FOXD4L1: variants seen among roughly 807,000 people sequenced by gnomAD.
The protein encoded by FOXD4L1 is forkhead box D4 like 1.
A neutral mutation model predicts 24.8 loss-of-function variants in FOXD4L1; 10 were observed. The observed-to-expected ratio is 0.40, with a 90% CI of 0.25 to 0.68. The LOEUF (loss-of-function observed/expected upper bound fraction) is 0.68. Among genes scored for constraint, FOXD4L1 ranks in the 30% least tolerant of loss-of-function variants. The pLI, the probability that FOXD4L1 is intolerant of heterozygous loss-of-function variation, is 0.37. For missense variants in FOXD4L1, 364 were observed against 572.4 expected (o/e 0.64, Z 3.72); for synonymous variants, 159 against 256.4 (o/e 0.62, Z 3.63).
chr2:113,500,655 G>T, exon 1 of FOXD4L1: 2 of 1,408,914 alleles, frequency 1.4e-6, no homozygotes, highest in African/African-American at 1.5e-5. Flanking sequence ...CTGGGCGTGT[G>T]CATCTGAATC....
chr2:113,499,198 C>T (rs1474349139), exon 1 of FOXD4L1: 7 of 1,611,640 alleles, frequency 4.3e-6, no homozygotes, highest in Non-Finnish European at 5.9e-6. Flanking sequence ...CCAGCTCAGC[C>T]CGCCCCGGGC....
At position 113,500,808 on chromosome 2, in the gene FOXD4L1, T is replaced by G. The variant is rs1486864742; in HGVS notation, c.*325T>G. On this transcript the variant is annotated 3_prime_UTR_variant, in exon 1 of 1. Transcript: ENST00000306507. ...TTCTTGCCTTCGGCTGTGGCTTCTG[T>G]GGCTTTCCGGATTTGCACATTTCCT... The G allele has an allele frequency of 6.3e-5, 37 of 586,092 alleles. 8 individuals carry two copies. In the Admixed American group the frequency reaches 1.6e-3, roughly 25 times the overall value. 36.3% of individuals were successfully genotyped at this position (586,092 alleles called of 1,614,324 possible).
exon 1 of FOXD4L1, chr2:113,499,337 C>A (rs1296775211): frequency 3.7e-6 from 6 of 1,610,640 alleles, no homozygotes; most frequent in Non-Finnish European, 4.2e-6. Flanking sequence ...ACGGTAAAAT[C>A]GATGTCCTGG....
rs147163734 is a variant in FOXD4L1 at position 113,500,410 on chromosome 2, G to A, written c.1154G>A (p.Gly385Glu). The A allele has an allele frequency of 2.0e-4, 297 of 1,519,126 alleles. 53 individuals carry two copies. Among genetic ancestry groups the A allele is most frequent in the Non-Finnish European group, 2.5e-4 (286 of 1,126,262 alleles). The allele number at this position is 1,519,126 out of a possible 1,614,324, so 94.1% of individuals were successfully genotyped here. A position where few individuals can be genotyped will look rare whatever the true frequency, so the allele number is the denominator to read the frequency against. The change falls in exon 1 of 1, where the codon GGG becomes GAG. Residue 385 changes from glycine to glutamate, a missense_variant. Gly to Glu is a moderately conservative substitution (Grantham distance 98). Coordinates refer to ENST00000306507, the Ensembl canonical transcript of FOXD4L1. ...CGCCAACGGCTGCGCTCCCACCAAG[G>A]GCGCGGTGCTGGGCGGGCACCTGTC...
chr2:113,499,493 G>C, exon 1 of FOXD4L1: 1 of 1,580,334 alleles, frequency 6.3e-7, no homozygotes. Context: ...GCGGCGGCCC[G>C]AGCGACCCCT....
chr2:113,499,829 C>G (rs752475671), exon 1 of FOXD4L1: 3 of 1,559,034 alleles, frequency 1.9e-6, no homozygotes, highest in Non-Finnish European at 2.6e-6. Flanking sequence ...AGGACATGTT[C>G]GACAATGGCA....
At chr2:113,500,982 A>C (rs1396494971) in exon 1 of FOXD4L1, 2 of 204,450 alleles carry the variant, frequency 9.8e-6, no homozygotes, top group Non-Finnish European at 1.0e-5. Flanking sequence ...CTAGTGCAAA[A>C]TGCTTCTACT....
chr2:113,500,173 C>T, exon 1 of FOXD4L1: 1 of 1,538,758 alleles, frequency 6.5e-7, no homozygotes, highest in African/African-American at 1.4e-5. Context: ...GGTCCTCAGC[C>T]TTGGGAGGAG....
rs763717933 is a variant in FOXD4L1, at chr2:113,499,573, C to A, written c.317C>A (p.Ala106Glu). 10 of 1,609,760 alleles carry A rather than the reference C, an allele frequency of 6.2e-6. No homozygotes were observed. The highest frequency in any genetic ancestry group is 8.5e-6 in the Non-Finnish European group (10 of 1,178,912). ...GCCTCTGAAGATGCCCGGCAGCCGGCAAAGCCCCCCTACTCGTACATCGCG... is the reference window on the plus strand; with the variant it reads ...GCCTCTGAAGATGCCCGGCAGCCGGAAAAGCCCCCCTACTCGTACATCGCG... The change falls in exon 1 of 1, where the codon GCA becomes GAA. Residue 106 changes from alanine (A) to glutamate (E), a missense_variant. Coordinates refer to ENST00000306507, the Ensembl canonical transcript of FOXD4L1.
At chr2:113,500,687 C>A in exon 1 of FOXD4L1, 3 of 1,288,560 alleles carry the variant, frequency 2.3e-6, no homozygotes, top group Non-Finnish European at 3.1e-6. Flanking sequence ...CAAACACGAA[C>A]TTCTGTTCCC....
chr2:113,499,418 G>T, exon 1 of FOXD4L1: 1 of 1,605,836 alleles, frequency 6.2e-7, no homozygotes, highest in South Asian at 1.1e-5. Flanking sequence ...TAGAGCAGTC[G>T]CTCCAGCCGG....
Position 113,500,311 on chromosome 2 carries a change from GC to G in FOXD4L1, c.1060del (p.Leu354CysfsTer90). 6.5e-7 allele frequency: 1 copy of G among 1,528,120 alleles called. No individual in the cohort carries two copies. Among genetic ancestry groups the G allele is most frequent in the Non-Finnish European group, 8.8e-7 (1 of 1,131,842 alleles). 94.7% of individuals were successfully genotyped at this position (1,528,120 alleles called of 1,614,324 possible). On this transcript the variant is annotated frameshift_variant, in exon 1 of 1. Transcript: ENST00000306507. LOFTEE classifies it high-confidence loss of function. ...TTGTCCCCGACCGCGTGGAGCTACT[GC>G]CCCCTGCTCCAGCGACCGTCAAGCC... is the stretch of plus-strand genomic sequence containing the variant.
exon 1 of FOXD4L1, chr2:113,499,056 T>C: frequency 2.4e-6 from 2 of 827,030 alleles, no homozygotes; most frequent in Non-Finnish European, 3.8e-6. Flanking sequence ...CACATGGTCT[T>C]GAAGAAGCTT....
chr2:113,498,964 C>T, exon 1 of FOXD4L1: 2 of 597,956 alleles, frequency 3.3e-6, no homozygotes, highest in East Asian at 3.3e-5. Flanking sequence ...GCCCAGAAGA[C>T]CATCATCCCT....
chr2:113,500,060 C>A (rs1433116179), exon 1 of FOXD4L1: 3 of 1,585,922 alleles, frequency 1.9e-6, no homozygotes, highest in Admixed American at 1.7e-5. Context: ...ATCCTCCTCG[C>A]TACCTACTGC....
exon 1 of FOXD4L1, chr2:113,499,097 G>A (rs1682385150): frequency 4.6e-6 from 6 of 1,317,372 alleles, no homozygotes; most frequent in Admixed American, 2.5e-5. Flanking sequence ...TTTGCCGGAC[G>A]TTGTTGCAAA....
chr2:113,500,527 C>G (rs1356938443), exon 1 of FOXD4L1: 1 of 1,511,388 alleles, frequency 6.6e-7, no homozygotes, highest in South Asian at 1.2e-5. Flanking sequence ...GGGGACCTCA[C>G]CAGTTTTTTT....
At chr2:113,500,925 G>A (rs1316344165) in exon 1 of FOXD4L1, 1 of 293,106 alleles carries the variant, frequency 3.4e-6, no homozygotes, top group Admixed American at 5.5e-5. Flanking sequence ...TGCCAAACAT[G>A]TTCCCCCTTC....
chr2:113,499,169 C>A (rs1462331603), exon 1 of FOXD4L1: 6 of 1,609,214 alleles, frequency 3.7e-6, no homozygotes, highest in Non-Finnish European at 5.1e-6. Flanking sequence ...CTGCTTCTTG[C>A]AACATTCATC....
Sources: gnomAD v4.1 joint callset for allele counts on GRCh38, gnomAD v4.1.1 for gene constraint, MANE v1.5 for transcripts, NCBI Gene and HGNC (gene_info 2026-07-23, HGNC 2026-07-21) for gene names.